Variants in UVSSA observed in about 807,000 individuals in gnomAD.
UVSSA encodes UV stimulated scaffold protein A.
UVSSA carries 72 observed loss-of-function variants against 73.9 expected under a neutral mutation model. The observed-to-expected ratio is 0.97, with a 90% CI of 0.81 to 1.19. UVSSA has a LOEUF of 1.19. Among genes scored for constraint, UVSSA ranks in the 50% most tolerant of loss-of-function variants. The pLI is 0.00. For synonymous variants in UVSSA, 454 were observed against 391.3 expected, an observed-to-expected ratio of 1.16 and a Z score of -1.89; for missense variants, 1,150 against 965.0, an observed-to-expected ratio of 1.19 and a Z score of -2.54.
rs1048315820 is a variant in UVSSA at position 1,366,395 on chromosome 4, G to A, written c.1252G>A (p.Glu418Lys). The A allele has an allele frequency of 2.5e-6, 4 of 1,613,420 alleles. No individual in the cohort carries two copies. Among genetic ancestry groups the A allele is most frequent in the Non-Finnish European group, 3.4e-6 (4 of 1,179,696 alleles). The change falls in exon 8 of 14, where the codon GAG (glutamate) becomes AAG (lysine). Residue 418 changes from glutamate to lysine, a missense_variant. Physicochemically the swap from Glu to Lys is moderately conservative, Grantham distance 56. Transcript: ENST00000389851. ...FVEVPEKEGYEPHIPDHLRPE... is the reference protein window; with the variant it reads ...FVEVPEKEGYKPHIPDHLRPE... The stretch of plus-strand genomic sequence containing the variant: ...GGAGGTCCCTGAGAAGGAGGGGTAT[G>A]AGCCACACATCCCCGACCACTTGCG...
chr4:1,360,844 G>A (rs866655096), intron 7 of UVSSA, among the ~76,000 whole-genome samples: 5 of 152,212 alleles, frequency 3.3e-5, no homozygotes, highest in African/African-American at 1.2e-4. Context: ...ACTGAAGGGG[G>A]CGTTTACATA....
intron 7 of UVSSA, chr4:1,356,846 T>G (rs1272761056): frequency 6.6e-6 from 1 of 152,434 alleles, no homozygotes; most frequent in African/African-American, 2.4e-5. Flanking sequence ...AGCCTCACGC[T>G]GAGACCCTGC....
chr4:1,353,120 C>T lies in UVSSA; in HGVS notation c.641C>T (p.Thr214Met), dbSNP rs150060662. ...TTTGACTTTGACCCGAACCCGGAGACGGAATCCCTTGGCATGGCTTCTGGC... is the reference window on the plus strand; with the variant it reads ...TTTGACTTTGACCCGAACCCGGAGATGGAATCCCTTGGCATGGCTTCTGGC... ...VPFDFDPNPE[T>M]ESLGMASGMS... Residue 214 changes from threonine to methionine, a missense_variant, in exon 5 of 14, where the codon ACG (threonine) becomes ATG (methionine). Physicochemically the swap from Thr to Met is moderately conservative, Grantham distance 81. Coordinates refer to ENST00000389851, the MANE Select transcript of UVSSA (RefSeq NM_020894.4). 1.3e-5 allele frequency: 21 copies of T among 1,612,958 alleles called. No homozygotes were observed. Among genetic ancestry groups the T allele is most frequent in the Middle Eastern group, 1.6e-4 (1 of 6,084 alleles).
chr4:1,348,289 G>C, intron 2 of UVSSA, 100 bp downstream of exon 2: 1 of 877,484 alleles, frequency 1.1e-6, no homozygotes, highest in South Asian at 1.4e-5. Context: ...AGAACCACCC[G>C]AGGGACACAC....
In UVSSA at chr4:1,353,231, C is replaced by T. The variant is rs780171750; in HGVS notation, c.752C>T (p.Pro251Leu). 17 of 1,612,138 alleles carry T rather than the reference C, an allele frequency of 1.1e-5. No individual in the cohort carries two copies. Among genetic ancestry groups the T allele is most frequent in the East Asian group, 6.7e-5 (3 of 44,872 alleles). Residue 251 changes from proline to leucine, a missense_variant, in exon 5 of 14, where the codon CCC becomes CTC. By Grantham distance (98) the Pro-to-Leu change is moderately conservative (BLOSUM62 -3). Coordinates refer to ENST00000389851, the MANE Select transcript of UVSSA (RefSeq NM_020894.4). Reference sequence around the variant, plus strand: ...CCTGACCCCCGGGACGGGGAGCAGCCCTGCTGCAGTAGAGACCTGCCTGCC... The same window carrying T: ...CCTGACCCCCGGGACGGGGAGCAGCTCTGCTGCAGTAGAGACCTGCCTGCC... ...GTPDPRDGEQ[P>L]CCSRDLPASA...
chr4:1,384,194 C>T (rs986375623), intron 13 of UVSSA: 23 of 497,312 alleles, frequency 4.6e-5, no homozygotes, highest in South Asian at 3.4e-4. Flanking sequence ...CGCCAGGCAC[C>T]GCCATCCTCG....
In UVSSA at chr4:1,384,315, C is replaced by T. The variant is rs548160389; in HGVS notation, c.2036+375C>T. ...GGTCAGTGCCTGCGTATTTCTGCAG[C>T]GGTGACTTCAGGGAGGGCGATGACT... On this transcript the variant is annotated intron_variant, in intron 13 of 13. Coordinates refer to ENST00000389851, the MANE Select transcript of UVSSA (RefSeq NM_020894.4). 2.3e-3 allele frequency: 571 copies of T among 248,792 alleles called. 3 individuals carry two copies. The highest frequency in any genetic ancestry group is 3.9e-3 in the Middle Eastern group (3 of 760). 15.4% of individuals were successfully genotyped at this position (248,792 alleles called of 1,614,324 possible).
intron 7 of UVSSA, among the ~76,000 whole-genome samples, chr4:1,364,465 G>T (rs562259282): frequency 2.7e-4 from 41 of 152,364 alleles, no homozygotes; most frequent in Non-Finnish European, 3.7e-4. Flanking sequence ...CGCCCTAGGG[G>T]TCAGGGGTCA....
chr4:1,394,517 T>C (rs760813849), exon 14 of UVSSA: 2 of 1,592,286 alleles, frequency 1.3e-6, no homozygotes, highest in South Asian at 2.3e-5. Flanking sequence ...CTCTTATGCA[T>C]GAGCCCTCGC....
At chr4:1,345,189 T>C (rs1315814105), upstream of UVSSA, among the ~76,000 whole-genome samples, 1 of 152,066 alleles carries the variant, frequency 6.6e-6, no homozygotes, top group Non-Finnish European at 1.5e-5. Context: ...TGGCCAGGAA[T>C]TGGCAGTGGC....
exon 14 of UVSSA, chr4:1,395,231 C>T (rs374052334): frequency 2.7e-6 from 4 of 1,468,552 alleles, no homozygotes; most frequent in African/African-American, 1.8e-5. Context: ...GAGTGCCCGC[C>T]TGCTCACACG....
At chr4:1,353,469 C>T in intron 5 of UVSSA, 56 bp downstream of exon 5, 1 of 1,434,928 alleles carries the variant, frequency 7.0e-7, no homozygotes, top group Non-Finnish European at 9.1e-7. Flanking sequence ...CCCGGGTAGG[C>T]TCCTCCCTCA....
intron 5 of UVSSA, 154 bp from the exon 6 acceptor site, chr4:1,354,581 C>A: frequency 6.3e-6 from 4 of 631,322 alleles, no homozygotes; most frequent in Non-Finnish European, 1.1e-5. Context: ...ACTTCCTTCT[C>A]ACAGCATCAG....
At chr4:1,350,894 TTTGTTG>T (rs1166481296) in intron 3 of UVSSA, among the ~76,000 whole-genome samples, 3 of 152,176 alleles carry the variant, frequency 2.0e-5, no homozygotes, top group South Asian at 2.1e-4. Context: ...AGCTCTAGTT[TTTGTTG>T]TTGTTGTTGA....
At position 1,383,384 on chromosome 4, in the gene UVSSA, C is replaced by T. The variant is rs142269226; in HGVS notation, c.1862-382C>T. On this transcript the variant is annotated intron_variant, in intron 12 of 13. Coordinates refer to ENST00000389851, the MANE Select transcript of UVSSA (RefSeq NM_020894.4). ...AGCCTGCAGGCAGGAAAGGAGCTTG[C>T]GGATGGTGCCACCCCCCAACCGCTG... is the stretch of plus-strand genomic sequence containing the variant. Among the ~76,000 whole-genome samples the T allele has an allele frequency of 2.7e-3, 409 of 152,290 alleles. 1 individual carries two copies. In the Middle Eastern group the frequency reaches 0.027, roughly 10 times the overall value.
At chr4:1,379,576 CCTT>C (rs1388895496) in intron 10 of UVSSA, among the ~76,000 whole-genome samples, 1 of 152,212 alleles carries the variant, frequency 6.6e-6, no homozygotes, top group African/African-American at 2.4e-5. Context: ...GGCCTTCACT[CCTT>C]CTCCTGGGTG....
At chr4:1,345,078 G>A (rs1221622713), upstream of UVSSA, among the ~76,000 whole-genome samples, 1 of 152,172 alleles carries the variant, frequency 6.6e-6, no homozygotes, top group South Asian at 2.1e-4. Context: ...CCTGTGATCC[G>A]ACCTTAGACT....
chr4:1,381,810 TATC>T (rs918898394), intron 12 of UVSSA, among the ~76,000 whole-genome samples: 6 of 152,186 alleles, frequency 3.9e-5, no homozygotes, highest in Non-Finnish European at 5.9e-5. Context: ...TAGCTGGAAT[TATC>T]ATGCCACCAT....
intron 1 of UVSSA, 48 bp from the exon 2 acceptor site, chr4:1,348,042 T>C: frequency 6.9e-7 from 1 of 1,459,484 alleles, no homozygotes; most frequent in Non-Finnish European, 9.6e-7. Flanking sequence ...CACCGAGAGC[T>C]ATAAAATACA....
Sources: gnomAD v4.1 joint callset for allele counts (sites outside exome capture counted in the v4.1 genomes callset) on GRCh38, gnomAD v4.1.1 for gene constraint, MANE v1.5 for transcripts, NCBI Gene and HGNC (gene_info 2026-07-23, HGNC 2026-07-21) for gene names.